CABLES2: variants seen among roughly 807,000 people sequenced by gnomAD.
CABLES2 encodes CDK5 and ABL1 enzyme substrate 2.
Under a neutral mutation model 44.8 loss-of-function variants are expected in CABLES2, and 35 were observed. The observed-to-expected ratio is 0.78, with a 90% confidence interval of 0.60 to 1.04. The LOEUF is 1.04. CABLES2 is among the 50% of genes least tolerant of loss of function. CABLES2 has a pLI of 0.00. For missense variants in CABLES2, 566 were observed against 615.7 expected (o/e 0.92, Z 0.85); for synonymous variants, 282 against 281.1 (o/e 1.00, Z -0.03).
At chr20:62,398,506 C>T (rs1467811021) in intron 1 of CABLES2, among the ~76,000 whole-genome samples, 12 of 152,286 alleles carry the variant, frequency 7.9e-5, no homozygotes, top group African/African-American at 1.2e-4. Flanking sequence ...ATCTGGACTC[C>T]GGGCCAAGGG....
chr20:62,388,783 G>C lies in CABLES2; in HGVS notation c.*2188C>G. ...CGGTGCGGAAGCAACGCCAGGCCTG[G>C]TTCTGTATAGTCACAGCCGAGCTGA... On this transcript the variant is annotated 3_prime_UTR_variant, in exon 10 of 10. Transcript: ENST00000279101. 1 of 440,612 alleles carries C rather than the reference G, an allele frequency of 2.3e-6. No homozygotes were observed. The highest frequency in any genetic ancestry group is 4.1e-6 in the Non-Finnish European group (1 of 243,190). The allele number at this position is 440,612 out of a possible 1,614,324, so 27.3% of individuals were successfully genotyped here.
In CABLES2 at chr20:62,407,095, G is replaced by A; in HGVS notation, c.182C>T (p.Pro61Leu). ...FLNNISLDGR[P>L]PSLGPGGEKP... ...CTCTCCGCCCGGGCCCAGGCTCGGG[G>A]GCCGCCCGTCCAGGGAGATGTTGTT... Residue 61 changes from proline to leucine, a missense_variant, in exon 1 of 10, where the codon CCC (proline) becomes CTC (leucine). Physicochemically the swap from Pro to Leu is moderately conservative, Grantham distance 98. This residue lies in a region of CABLES2 where 130 missense variants were observed against 79.4 expected (regional missense o/e 1.64). Transcript: ENST00000279101. 2 of 1,048,590 alleles carry A rather than the reference G, an allele frequency of 1.9e-6. No homozygotes were observed. The allele number at this position is 1,048,590 out of a possible 1,614,324, so 65.0% of individuals were successfully genotyped here. A position where few individuals can be genotyped will look rare whatever the true frequency, so the allele number is the denominator to read the frequency against.
At position 62,401,220 on chromosome 20, in the gene CABLES2, CT is replaced by C. The variant is rs141051052; in HGVS notation, c.363-4629del. Among the ~76,000 whole-genome samples the C allele has an allele frequency of 3.3e-3, 505 of 152,346 alleles. 2 individuals are homozygous for C. Among genetic ancestry groups the C allele is most frequent in the African/African-American group, 0.012 (486 of 41,572 alleles). The stretch of plus-strand genomic sequence containing the variant: ...TTTTTTGGTTTGAGTCCACAAGACT[CT>C]GACAATGCTGAAGGAGGTGCCTGCA... On this transcript the variant is annotated intron_variant, in intron 1 of 9. Transcript: ENST00000279101.
chr20:62,391,219 C>T lies in CABLES2; in HGVS notation c.1296+30G>A. On this transcript the variant is annotated intron_variant, in intron 9 of 9. Transcript: ENST00000279101. This position sits in a 1 kb window ranked among gnomAD's most constrained non-coding sequence, Gnocchi z 5.7. ...GCCCTGGCTCGATGTCATGACCCTG[C>T]CTGCAGTGCCTGCCGAGCCGGGCAC... 5 of 1,602,866 alleles carry T rather than the reference C, an allele frequency of 3.1e-6. No individual in the cohort carries two copies. Among genetic ancestry groups the T allele is most frequent in the Non-Finnish European group, 4.3e-6 (5 of 1,172,784 alleles).
At position 62,396,879 on chromosome 20, in the gene CABLES2, C is replaced by T. The variant is rs1021024525; in HGVS notation, c.363-287G>A. ...GATAGCACAGCACAGCACAGCACGC[C>T]AACCTGCCCTGCCCACCGAGGGTCG... is the stretch of plus-strand genomic sequence containing the variant. On this transcript the variant is annotated intron_variant, in intron 1 of 9. Coordinates refer to ENST00000279101, the MANE Select transcript of CABLES2 (RefSeq NM_031215.3). The surrounding 1 kb of genome is among the most constrained non-coding windows in gnomAD (Gnocchi z 5.7). Among the ~76,000 whole-genome samples the T allele has an allele frequency of 1.3e-5, 2 of 152,096 alleles. No homozygotes were observed. The highest frequency in any genetic ancestry group is 1.3e-4 in the Admixed American group (2 of 15,286).
chr20:62,406,101 C>T (rs1389701504), intron 1 of CABLES2, among the ~76,000 whole-genome samples: 2 of 152,050 alleles, frequency 1.3e-5, no homozygotes, highest in Non-Finnish European at 1.5e-5. Context: ...TGTGACAGAC[C>T]CAAAGATACC....
intron 1 of CABLES2, among the ~76,000 whole-genome samples, chr20:62,397,941 G>GCGGTGGTGGTGATGGTGGTGA (rs1316852257): frequency 7.4e-6 from 1 of 136,004 alleles, no homozygotes. Flanking sequence ...GGTGGTGATG[G>GCGGTGGTGGTGATGGTGGTGA]TGGTGACGGT....
chr20:62,401,130 T>C (rs1188043389), intron 1 of CABLES2, among the ~76,000 whole-genome samples: 1 of 152,174 alleles, frequency 6.6e-6, no homozygotes, highest in Non-Finnish European at 1.5e-5. Context: ...TCAGTTGGAA[T>C]GGTGGCCGCT....
At chr20:62,392,611 C>A in intron 7 of CABLES2, 116 bp from the exon 8 acceptor site, 1 of 772,726 alleles carries the variant, frequency 1.3e-6, no homozygotes, top group East Asian at 2.5e-5. Flanking sequence ...TACGGTGTGG[C>A]TTGAGAGGCC....
rs535403828 is a variant in CABLES2, at chr20:62,396,873, G to C, written c.363-281C>G. On this transcript the variant is annotated intron_variant, in intron 1 of 9. Coordinates refer to ENST00000279101, the MANE Select transcript of CABLES2 (RefSeq NM_031215.3). This position sits in a 1 kb window ranked among gnomAD's most constrained non-coding sequence, Gnocchi z 5.7. ...GCATAGGATAGCACAGCACAGCACA[G>C]CACGCCAACCTGCCCTGCCCACCGA... is the stretch of plus-strand genomic sequence containing the variant. Among the ~76,000 whole-genome samples, 1 of 152,128 alleles carries C rather than the reference G, an allele frequency of 6.6e-6. No individual in the cohort carries two copies. The highest frequency in any genetic ancestry group is 1.5e-5 in the Non-Finnish European group (1 of 68,008).
At chr20:62,392,583 T>C (rs2146418444) in intron 7 of CABLES2, 88 bp from the exon 8 acceptor site, 1 of 1,005,528 alleles carries the variant, frequency 9.9e-7, no homozygotes, top group Non-Finnish European at 1.6e-6. Flanking sequence ...CTCACTGTCC[T>C]GGGTTTGCAA....
chr20:62,393,403 A>G (rs776454868), intron 6 of CABLES2, 37 bp downstream of exon 6: 1 of 1,552,776 alleles, frequency 6.4e-7, no homozygotes, highest in Non-Finnish European at 8.7e-7. Flanking sequence ...CACGCGGGTC[A>G]CCCTGTTCCA....
chr20:62,396,488 G>C lies in CABLES2; in HGVS notation c.434+33C>G, dbSNP rs1988022786. The stretch of plus-strand genomic sequence containing the variant: ...AGGGGTCAGTGGCAGCCCGAGCGGA[G>C]TCGTAGAGCTCGGGGCGGACGGGGG... On this transcript the variant is annotated intron_variant, in intron 2 of 9. Transcript: ENST00000279101. The surrounding 1 kb of genome is among the most constrained non-coding windows in gnomAD (Gnocchi z 5.7). 2 of 1,612,882 alleles carry C rather than the reference G, an allele frequency of 1.2e-6. No homozygotes were observed. Among genetic ancestry groups the C allele is most frequent in the Non-Finnish European group, 8.5e-7 (1 of 1,179,138 alleles).
At chr20:62,406,379 TG>T (rs1387458427) in intron 1 of CABLES2, among the ~76,000 whole-genome samples, 1 of 151,396 alleles carries the variant, frequency 6.6e-6, no homozygotes, top group Non-Finnish European at 1.5e-5. Flanking sequence ...TACCAGTGGA[TG>T]GGGGTGGGGG....
Position 62,396,163 on chromosome 20 carries a change from TG to T in CABLES2, c.527+151del, listed in dbSNP as rs1988014552. Reference sequence around the variant, plus strand: ...CTCGGCTGATGTGGAGCAAGCAGTGTGGTGGGGAGGAGGGCCCACCTCTAGA... The same window carrying T: ...CTCGGCTGATGTGGAGCAAGCAGTGTGTGGGGAGGAGGGCCCACCTCTAGA... On this transcript the variant is annotated intron_variant, in intron 3 of 9. Transcript: ENST00000279101. The surrounding 1 kb of genome is among the most constrained non-coding windows in gnomAD (Gnocchi z 5.7). 1.4e-6 allele frequency: 1 copy of T among 690,512 alleles called. No homozygotes were observed. Among genetic ancestry groups the T allele is most frequent in the African/African-American group, 1.8e-5 (1 of 56,374 alleles). 42.8% of individuals were successfully genotyped at this position (690,512 alleles called of 1,614,324 possible). A position where few individuals can be genotyped will look rare whatever the true frequency, so the allele number is the denominator to read the frequency against.
At chr20:62,402,592 A>C (rs1336575601) in intron 1 of CABLES2, 2 of 152,228 alleles carry the variant, frequency 1.3e-5, no homozygotes, top group Admixed American at 1.3e-4. Flanking sequence ...CCCAGCTCCA[A>C]GTGTGGGCAG....
chr20:62,398,088 A>ATGGTGGTGGTGGTGGTGGTGG (rs1569017555), intron 1 of CABLES2, among the ~76,000 whole-genome samples: 3 of 52,242 alleles, frequency 5.7e-5, no homozygotes, highest in Admixed American at 3.8e-4. Context: ...GGTGGTGGTG[A>ATGGTGGTGGTGGTGGTGGTGG]CGGTGGTGGT....
chr20:62,406,856 C>CCCCCGT, intron 1 of CABLES2, 59 bp downstream of exon 1: 4 of 996,550 alleles, frequency 4.0e-6, no homozygotes, highest in Non-Finnish European at 5.0e-6. Context: ...GCTGATCCGG[C>CCCCCGT]CCCCGTCCCC....
At chr20:62,400,844 A>G (rs969022516) in intron 1 of CABLES2, among the ~76,000 whole-genome samples, 5 of 152,162 alleles carry the variant, frequency 3.3e-5, no homozygotes, top group South Asian at 2.1e-4. Context: ...TCTCTCCACT[A>G]TGCTTTAAAA....
Sources: gnomAD v4.1 joint callset for allele counts (sites outside exome capture counted in the v4.1 genomes callset) on GRCh38, gnomAD v4.1.1 for gene constraint, gnomAD v4.1.1 regional missense constraint, Gnocchi (gnomAD v3.1) non-coding constraint, MANE v1.5 for transcripts, NCBI Gene and HGNC (gene_info 2026-07-23, HGNC 2026-07-21) for gene names.